The following IGSF5 variants were observed in gnomAD, a reference collection of about 807,000 sequenced individuals.
The protein encoded by IGSF5 is immunoglobulin superfamily 5 like.
In IGSF5, 41 loss-of-function variants were observed where a neutral mutation model predicts 39.4. That is an observed-to-expected ratio of 1.04 (90% CI 0.81 to 1.35). IGSF5 has a LOEUF of 1.35. Ranked by LOEUF, IGSF5 falls within the 40% of genes most tolerant of loss-of-function variation. IGSF5 has a pLI of 0.00. For synonymous variants in IGSF5, 183 were observed against 175.3 expected (o/e 1.04, Z -0.34); for missense variants, 487 against 494.6 (o/e 0.98, Z 0.15).
At position 39,763,939 on chromosome 21, in the gene IGSF5, A is replaced by G. The variant is rs373629125; in HGVS notation, c.101-1596A>G. Among the ~76,000 whole-genome samples, 205 of 152,286 alleles carry G rather than the reference A, an allele frequency of 1.3e-3. 9 individuals carry two copies. The South Asian group carries it at 0.041, about 30-fold the overall frequency. On this transcript the variant is annotated intron_variant, in intron 2 of 8. Transcript: ENST00000380588. ...TCTTGGATCAGAGAGATTTGCCTTG[A>G]GGTCAGGGAGAATACCTAATCTGAG...
At chr21:39,740,064 C>T in the IGSF5 span, among the ~76,000 whole-genome samples, 94 of 152,262 alleles carry the variant, frequency 6.2e-4, no homozygotes, top group Non-Finnish European at 1.1e-3. Flanking sequence ...TGGTTAGCTG[C>T]AGGCAAAGGT....
intron 2 of IGSF5, among the ~76,000 whole-genome samples, chr21:39,749,094 CT>C (rs1202298669): frequency 6.6e-6 from 1 of 151,978 alleles, no homozygotes; most frequent in Non-Finnish European, 1.5e-5. Flanking sequence ...AAGTAGCTGG[CT>C]CATTAATAGA....
the IGSF5 span, among the ~76,000 whole-genome samples, chr21:39,731,998 C>T: frequency 6.6e-6 from 1 of 152,162 alleles, no homozygotes; most frequent in Non-Finnish European, 1.5e-5. Context: ...ATCCAGCAGC[C>T]ATGCTGTGAG....
chr21:39,777,592 C>T (rs2080147489), intron 4 of IGSF5, among the ~76,000 whole-genome samples: 1 of 151,738 alleles, frequency 6.6e-6, no homozygotes, highest in Non-Finnish European at 1.5e-5. Context: ...TTTGGGAGAG[C>T]CTTTTACAAG....
At position 39,798,318 on chromosome 21, in the gene IGSF5, G is replaced by T. The variant is rs75096267; in HGVS notation, c.1129-2944G>T. Among the ~76,000 whole-genome samples the T allele has an allele frequency of 5.4e-4, 82 of 152,296 alleles. 1 individual carries two copies. Among genetic ancestry groups the T allele is most frequent in the Non-Finnish European group, 1.0e-3 (68 of 68,024 alleles). ...GATGGGTACTCAGCAATTCTGCTTT[G>T]CCCAGCATCCTGAGGCCTTCATAAT... On this transcript the variant is annotated intron_variant, in intron 8 of 8. Coordinates refer to ENST00000380588, the MANE Select transcript of IGSF5 (RefSeq NM_001080444.2).
chr21:39,776,874 AG>A (rs1203282865), intron 4 of IGSF5, among the ~76,000 whole-genome samples: 1 of 152,206 alleles, frequency 6.6e-6, no homozygotes, highest in Non-Finnish European at 1.5e-5. Flanking sequence ...AACCCCAGCC[AG>A]CTCCCTTATT....
intron 8 of IGSF5, among the ~76,000 whole-genome samples, chr21:39,797,467 C>A (rs1321634076): frequency 1.3e-5 from 2 of 152,156 alleles, no homozygotes; most frequent in African/African-American, 4.8e-5. Flanking sequence ...GACCTGCCCA[C>A]CTCAGCCTCC....
chr21:39,777,721 G>A (rs760227675), intron 4 of IGSF5, among the ~76,000 whole-genome samples: 47 of 152,160 alleles, frequency 3.1e-4, no homozygotes, highest in Non-Finnish European at 6.3e-4. Context: ...ACTATGGGGA[G>A]AAAGGTGATC....
the IGSF5 span, among the ~76,000 whole-genome samples, chr21:39,712,626 C>T: frequency 3.3e-5 from 5 of 152,074 alleles, no homozygotes; most frequent in Non-Finnish European, 5.9e-5. Flanking sequence ...CATGCATAGC[C>T]TCCTTCCCTG....
At chr21:39,757,836 C>A (rs1035646304) in intron 2 of IGSF5, among the ~76,000 whole-genome samples, 7 of 152,194 alleles carry the variant, frequency 4.6e-5, no homozygotes, top group African/African-American at 1.7e-4. Flanking sequence ...CTTGGCCTCC[C>A]AAAGTGTTGG....
chr21:39,750,526 A>AAG (rs1555940570), intron 2 of IGSF5, among the ~76,000 whole-genome samples: 1 of 150,760 alleles, frequency 6.6e-6, no homozygotes, highest in Non-Finnish European at 1.5e-5. Context: ...AAAAAAAAAA[A>AAG]GCAGTTCAGT....
the IGSF5 span, among the ~76,000 whole-genome samples, chr21:39,721,729 C>CCTTCCTT: frequency 7.4e-6 from 1 of 135,816 alleles, no homozygotes; most frequent in African/African-American, 2.7e-5. Context: ...CTTCCTTCCA[C>CCTTCCTT]CCACCCATCC....
At chr21:39,782,910 C>T (rs1171489555) in intron 5 of IGSF5, among the ~76,000 whole-genome samples, 3 of 152,144 alleles carry the variant, frequency 2.0e-5, no homozygotes, top group African/African-American at 7.2e-5. Context: ...CTCTGATCCC[C>T]ACAATTATAA....
At chr21:39,727,351 C>T in the IGSF5 span, among the ~76,000 whole-genome samples, 1 of 152,176 alleles carries the variant, frequency 6.6e-6, no homozygotes, top group Non-Finnish European at 1.5e-5. Flanking sequence ...GTTACTCCAC[C>T]ATCAGGGGAC....
chr21:39,801,481 G>A lies in IGSF5; in HGVS notation c.*124G>A, dbSNP rs757735930. ...CAACATTACCTGAAGAGGAGATGTC[G>A]GAGTCATCAGAACTGATACTTGACA... On this transcript the variant is annotated 3_prime_UTR_variant, in exon 9 of 9. Coordinates refer to ENST00000380588, the MANE Select transcript of IGSF5 (RefSeq NM_001080444.2). 34 of 662,150 alleles carry A rather than the reference G, an allele frequency of 5.1e-5. No homozygotes were observed. Among genetic ancestry groups the A allele is most frequent in the South Asian group, 1.2e-4 (6 of 51,928 alleles). The allele number at this position is 662,150 out of a possible 1,614,324, so 41.0% of individuals were successfully genotyped here.
Position 39,801,456 on chromosome 21 carries a change from C to T in IGSF5, c.*99C>T. On this transcript the variant is annotated 3_prime_UTR_variant, in exon 9 of 9. Coordinates refer to ENST00000380588, the MANE Select transcript of IGSF5 (RefSeq NM_001080444.2). ...TCCTAAGACTGGCCTGCAGCTTTGC[C>T]AACATTACCTGAAGAGGAGATGTCG... 2.5e-6 allele frequency: 2 copies of T among 806,974 alleles called. No homozygotes were observed. Among genetic ancestry groups the T allele is most frequent in the East Asian group, 2.6e-5 (1 of 38,142 alleles). The allele number at this position is 806,974 out of a possible 1,614,324, so 50.0% of individuals were successfully genotyped here. A position where few individuals can be genotyped will look rare whatever the true frequency, so the allele number is the denominator to read the frequency against.
At chr21:39,778,203 C>T (rs531016968) in intron 4 of IGSF5, among the ~76,000 whole-genome samples, 6 of 152,228 alleles carry the variant, frequency 3.9e-5, no homozygotes, top group East Asian at 3.9e-4. Context: ...CTTTCTGTGA[C>T]GATAAAAACG....
At chr21:39,776,835 C>G (rs528715347) in intron 4 of IGSF5, among the ~76,000 whole-genome samples, 9 of 152,286 alleles carry the variant, frequency 5.9e-5, no homozygotes, top group African/African-American at 2.2e-4. Context: ...AAGCCTGTCT[C>G]TTAAATCTTG....
the IGSF5 span, chr21:39,730,723 A>G: frequency 6.6e-6 from 1 of 152,222 alleles, no homozygotes; most frequent in Admixed American, 6.5e-5. Context: ...AAAATAAAAT[A>G]GAGTAAATTA....
Sources: gnomAD v4.1 joint callset for allele counts (sites outside exome capture counted in the v4.1 genomes callset) on GRCh38, gnomAD v4.1.1 for gene constraint, MANE v1.5 for transcripts, NCBI Gene and HGNC (gene_info 2026-07-23, HGNC 2026-07-21) for gene names.